The following KLF12 variants were observed in gnomAD, a reference collection of about 807,000 sequenced individuals.
The protein encoded by KLF12 is KLF transcription factor 12, also known as Krueppel-like factor 12.
In KLF12, 9 loss-of-function variants were observed where a neutral mutation model predicts 37.8. The ratio of observed to expected loss-of-function variants is 0.24; its 90% CI spans 0.14 to 0.42. KLF12 has a LOEUF of 0.42. Among genes scored for constraint, KLF12 ranks in the 10% least tolerant of loss-of-function variants. The pLI, the probability that KLF12 is intolerant of heterozygous loss-of-function variation, is 1.00. For synonymous variants in KLF12, 208 were observed against 202.1 expected, an observed-to-expected ratio of 1.03 and a Z score of -0.25; for missense variants, 411 against 516.0, an observed-to-expected ratio of 0.80 and a Z score of 1.97.
At chr13:73,755,642 T>C (rs1879105814) in intron 6 of KLF12, among the ~76,000 whole-genome samples, 2 of 151,790 alleles carry the variant, frequency 1.3e-5, no homozygotes, top group Admixed American at 1.3e-4. Flanking sequence ...TTTCAATGGG[T>C]TTTTGGAGAA....
chr13:74,095,375 T>G (rs1875916139), intron 1 of KLF12, among the ~76,000 whole-genome samples: 1 of 141,010 alleles, frequency 7.1e-6, no homozygotes, highest in Non-Finnish European at 1.5e-5. Context: ...ATACTTGTAG[T>G]GCCTTTTTTA....
chr13:74,298,908 C>T, the KLF12 span, among the ~76,000 whole-genome samples: 1 of 152,102 alleles, frequency 6.6e-6, no homozygotes, highest in African/African-American at 2.4e-5. Flanking sequence ...TGTGAGAATT[C>T]AATTCCATGA....
At chr13:74,152,799 G>C in the KLF12 span, among the ~76,000 whole-genome samples, 1 of 151,674 alleles carries the variant, frequency 6.6e-6, no homozygotes, top group African/African-American at 2.4e-5. Context: ...TGGGAGGATT[G>C]CTTGAGCCCG....
intron 2 of KLF12, among the ~76,000 whole-genome samples, chr13:73,975,065 T>A (rs1003945939): frequency 2.6e-5 from 4 of 152,188 alleles, no homozygotes; most frequent in Non-Finnish European, 5.9e-5. Flanking sequence ...TTCCTATTTT[T>A]AAAAACTATT....
intron 2 of KLF12, among the ~76,000 whole-genome samples, chr13:73,947,648 C>CA (rs11378611): frequency 0.57 from 48,543 of 85,698 alleles, 14,566 homozygotes; most frequent in African/African-American, 0.63. Context: ...GAGACGGTCT[C>CA]AAAAAAAAAA....
chr13:73,785,133 T>A (rs1473122297), intron 5 of KLF12, among the ~76,000 whole-genome samples: 2 of 145,468 alleles, frequency 1.4e-5, no homozygotes, highest in Non-Finnish European at 3.0e-5. Context: ...TTTTTTTTTT[T>A]AAGACAGGAT....
At chr13:74,123,090 G>A (rs903886140) in intron 1 of KLF12, among the ~76,000 whole-genome samples, 5 of 151,522 alleles carry the variant, frequency 3.3e-5, no homozygotes, top group South Asian at 2.1e-4. Context: ...ATTTTCTAAC[G>A]ATCTTCAGTT....
chr13:74,167,741 T>A, the KLF12 span, among the ~76,000 whole-genome samples: 33 of 152,256 alleles, frequency 2.2e-4, no homozygotes, highest in African/African-American at 7.5e-4. Flanking sequence ...TTGCATTTCA[T>A]TGTTCCTGAT....
chr13:73,863,477 CTA>C (rs1185160384), intron 3 of KLF12, among the ~76,000 whole-genome samples: 1 of 151,928 alleles, frequency 6.6e-6, no homozygotes, highest in Non-Finnish European at 1.5e-5. Flanking sequence ...TAAGGGAGTT[CTA>C]AAAATCCAAT....
intron 3 of KLF12, among the ~76,000 whole-genome samples, chr13:73,923,026 G>A (rs1387078882): frequency 6.6e-6 from 1 of 152,198 alleles, no homozygotes; most frequent in Non-Finnish European, 1.5e-5. Context: ...TACAAAAGAT[G>A]TGGAATCTTT....
intron 1 of KLF12, among the ~76,000 whole-genome samples, chr13:74,080,989 C>G (rs887661537): frequency 2.0e-5 from 3 of 152,200 alleles, no homozygotes; most frequent in Non-Finnish European, 2.9e-5. Context: ...TGCATCATGC[C>G]TGTGGTTTAC....
the KLF12 span, among the ~76,000 whole-genome samples, chr13:74,303,530 A>C: frequency 3.3e-5 from 5 of 152,118 alleles, no homozygotes; most frequent in Admixed American, 2.6e-4. Flanking sequence ...AGCTCAGACC[A>C]TTTCTGTTTA....
At chr13:73,814,674 T>C (rs1015784005) in intron 4 of KLF12, among the ~76,000 whole-genome samples, 1 of 152,074 alleles carries the variant, frequency 6.6e-6, no homozygotes, top group African/African-American at 2.4e-5. Context: ...TAATATAAAG[T>C]AATGGTCCTC....
intron 1 of KLF12, among the ~76,000 whole-genome samples, chr13:74,085,863 A>C (rs1875256039): frequency 6.6e-6 from 1 of 152,204 alleles, no homozygotes; most frequent in African/African-American, 2.4e-5. Flanking sequence ...AATGGCTATT[A>C]TCTGCACTGG....
intron 1 of KLF12, among the ~76,000 whole-genome samples, chr13:74,057,223 TA>T (rs1873294803): frequency 6.6e-6 from 1 of 152,154 alleles, no homozygotes; most frequent in African/African-American, 2.4e-5. Flanking sequence ...ATCTTAATTT[TA>T]AAAAAACAGA....
At chr13:73,723,967 G>T (rs11841442) in intron 6 of KLF12, among the ~76,000 whole-genome samples, 23,153 of 152,030 alleles carry the variant, frequency 0.15, 2,905 homozygotes, top group African/African-American at 0.35. Flanking sequence ...TCAACCATCG[G>T]GGAAGACAGT....
the KLF12 span, among the ~76,000 whole-genome samples, chr13:74,229,649 T>C: frequency 5.3e-5 from 8 of 152,308 alleles, no homozygotes; most frequent in African/African-American, 1.9e-4. Flanking sequence ...CTACTTCTTT[T>C]AGGTTGGAAA....
At chr13:74,149,846 A>G in the KLF12 span, among the ~76,000 whole-genome samples, 207 of 152,180 alleles carry the variant, frequency 1.4e-3, 1 homozygote, top group Non-Finnish European at 2.2e-3. Context: ...GTTGTTCTGA[A>G]CACACCAGAT....
chr13:74,016,018 A>G (rs1312666359), intron 1 of KLF12, among the ~76,000 whole-genome samples: 1 of 152,192 alleles, frequency 6.6e-6, no homozygotes, highest in Admixed American at 6.5e-5. Flanking sequence ...AAAAGAGCAA[A>G]TAAGTATGTC....
Sources: allele counts gnomAD v4.1 joint callset (sites outside exome capture counted in the v4.1 genomes callset), GRCh38; gene constraint gnomAD v4.1.1; transcripts MANE v1.5; gene names NCBI Gene and HGNC (gene_info 2026-07-23, HGNC 2026-07-21).